The following DDX50 variants were observed in gnomAD, a reference collection of about 807,000 sequenced individuals.
DDX50 encodes DExD-box helicase 50.
Under a neutral mutation model 94.8 loss-of-function variants are expected in DDX50, and 56 were observed. The observed-to-expected ratio is 0.59, with a 90% CI of 0.48 to 0.74. The LOEUF is 0.74. Ranked by LOEUF, DDX50 falls within the 30% of genes least tolerant of loss-of-function variation. The pLI is 0.00. For synonymous variants in DDX50, 264 were observed against 295.4 expected (o/e 0.89, Z 1.09); for missense variants, 713 against 881.2 (o/e 0.81, Z 2.42).
chr10:68,930,406 C>T (rs1474773190), intron 8 of DDX50, among the ~76,000 whole-genome samples: 1 of 152,198 alleles, frequency 6.6e-6, no homozygotes, highest in Admixed American at 6.5e-5. Context: ...GCGTGAGCCA[C>T]CGTGCTCAGC....
intron 13 of DDX50, 31 bp from the exon 14 acceptor site, chr10:68,943,182 T>C: frequency 6.2e-7 from 1 of 1,600,140 alleles, no homozygotes; most frequent in Non-Finnish European, 8.5e-7. Context: ...ATGCATCTAA[T>C]TTAAAATGTT....
chr10:68,907,904 T>C (rs1420332693), intron 2 of DDX50, among the ~76,000 whole-genome samples: 1 of 152,206 alleles, frequency 6.6e-6, no homozygotes, highest in Non-Finnish European at 1.5e-5. Flanking sequence ...TTTATTATTT[T>C]GTTTAGATCA....
chr10:68,923,969 A>G (rs1233441673), intron 8 of DDX50, among the ~76,000 whole-genome samples: 2 of 66,972 alleles, frequency 3.0e-5, no homozygotes, highest in African/African-American at 1.2e-4. Flanking sequence ...TTTTTTTTTG[A>G]GACAGAGTCA....
At chr10:68,935,376 A>G (rs1335362724) in intron 10 of DDX50, among the ~76,000 whole-genome samples, 2 of 151,720 alleles carry the variant, frequency 1.3e-5, no homozygotes, top group African/African-American at 2.4e-5. Context: ...GTAAAATGAG[A>G]TAGTGTAATA....
In DDX50 at chr10:68,946,546, C is replaced by T; in HGVS notation, c.2130C>T (p.Arg710=). 1 of 1,614,178 alleles carries T rather than the reference C, an allele frequency of 6.2e-7. No individual in the cohort carries two copies. Among genetic ancestry groups the T allele is most frequent in the South Asian group, 1.1e-5 (1 of 91,082 alleles). ...GTAGACAGAGTCGACAAGGAAGTCG[C>T]TCAGGAAGTCGACAAGATGGTAGAA... ...RSGRQSRQGS[R]SGSRQDGRRR... is the part of the protein sequence containing the mutation. The change falls in exon 15 of 15, where the codon CGC becomes CGT. Residue 710 remains arginine, a synonymous_variant. Coordinates refer to ENST00000373585, the MANE Select transcript of DDX50 (RefSeq NM_024045.2).
chr10:68,928,013 T>G (rs557765557), intron 8 of DDX50, among the ~76,000 whole-genome samples: 11 of 152,144 alleles, frequency 7.2e-5, no homozygotes, highest in Non-Finnish European at 1.5e-5. Context: ...AGAGCAAGAT[T>G]CCATCTCTTT....
At chr10:68,906,639 T>C (rs925561774) in intron 1 of DDX50, 72 bp from the exon 2 acceptor site, 2 of 1,527,088 alleles carry the variant, frequency 1.3e-6, no homozygotes, top group Non-Finnish European at 8.9e-7. Flanking sequence ...GGGGGAGTCA[T>C]GCTCTAACTT....
At chr10:68,933,427 A>G (rs1172570822) in intron 8 of DDX50, among the ~76,000 whole-genome samples, 1 of 152,186 alleles carries the variant, frequency 6.6e-6, no homozygotes, top group Non-Finnish European at 1.5e-5. Context: ...GTTCATCAGT[A>G]GGATATTGCT....
intron 3 of DDX50, 131 bp from the exon 4 acceptor site, chr10:68,910,937 G>T: frequency 1.7e-6 from 1 of 597,544 alleles, no homozygotes; most frequent in Non-Finnish European, 2.7e-6. Flanking sequence ...GTTTGTGGTA[G>T]GAATAACTGT....
intron 12 of DDX50, 147 bp downstream of exon 12, chr10:68,937,242 TAATA>T: frequency 1.2e-6 from 1 of 844,020 alleles, no homozygotes; most frequent in Non-Finnish European, 1.7e-6. Context: ...CTCTACTCCC[TAATA>T]AATCCTTTTT....
Position 68,901,352 on chromosome 10 carries a change from A to T in DDX50, c.-33A>T. 1 of 1,519,906 alleles carries T rather than the reference A, an allele frequency of 6.6e-7. No homozygotes were observed. The highest frequency in any genetic ancestry group is 8.8e-7 in the Non-Finnish European group (1 of 1,130,414). The allele number at this position is 1,519,906 out of a possible 1,614,324, so 94.2% of individuals were successfully genotyped here. A position where few individuals can be genotyped will look rare whatever the true frequency, so the allele number is the denominator to read the frequency against. On this transcript the variant is annotated 5_prime_UTR_variant, in exon 1 of 15. Transcript: ENST00000373585. ...TCGCTGCCCGTAGGTGGTTGTGGCC[A>T]CTGTGCCCGGAGGGAGGCGGCGGTG... is the stretch of plus-strand genomic sequence containing the variant.
chr10:68,940,814 A>G (rs1842536874), intron 12 of DDX50, among the ~76,000 whole-genome samples: 1 of 152,080 alleles, frequency 6.6e-6, no homozygotes, highest in South Asian at 2.1e-4. Flanking sequence ...TTAATTCTTA[A>G]TTCTCTCTTA....
chr10:68,909,331 T>C (rs1447711914), intron 2 of DDX50, among the ~76,000 whole-genome samples: 2 of 152,246 alleles, frequency 1.3e-5, no homozygotes, highest in African/African-American at 4.8e-5. Context: ...CACATTAGTA[T>C]ACAAAGTTTT....
intron 3 of DDX50, 95 bp from the exon 4 acceptor site, chr10:68,910,973 A>C: frequency 1.0e-6 from 1 of 995,758 alleles, no homozygotes; most frequent in Non-Finnish European, 1.4e-6. Flanking sequence ...GTCTTTAGGC[A>C]GACATAGAAG....
chr10:68,926,662 C>T (rs1478101389), intron 8 of DDX50, among the ~76,000 whole-genome samples: 1 of 151,898 alleles, frequency 6.6e-6, no homozygotes, highest in Non-Finnish European at 1.5e-5. Context: ...CCCAGCTACT[C>T]AGGAGGTTGG....
chr10:68,909,652 A>T (rs527427768), intron 2 of DDX50, among the ~76,000 whole-genome samples: 2 of 151,400 alleles, frequency 1.3e-5, no homozygotes, highest in Non-Finnish European at 2.9e-5. Context: ...AGGTAGGAGG[A>T]TCTTTTTTTT....
Position 68,901,330 on chromosome 10 carries a change from C to G in DDX50, c.-55C>G. The G allele has an allele frequency of 1.4e-6, 2 of 1,464,416 alleles. No individual in the cohort carries two copies. The highest frequency in any genetic ancestry group is 1.3e-5 in the South Asian group (1 of 75,608). The allele number at this position is 1,464,416 out of a possible 1,614,324, so 90.7% of individuals were successfully genotyped here. ...GCCCCCGCTTCCTTTCACGCTGTCG[C>G]TGCCCGTAGGTGGTTGTGGCCACTG... On this transcript the variant is annotated 5_prime_UTR_variant, in exon 1 of 15. Transcript: ENST00000373585.
intron 13 of DDX50, among the ~76,000 whole-genome samples, chr10:68,942,574 C>A (rs1801411327): frequency 6.6e-6 from 1 of 152,024 alleles, no homozygotes; most frequent in Admixed American, 6.5e-5. Flanking sequence ...GAAGAAACAT[C>A]TTGGGTTATA....
intron 8 of DDX50, among the ~76,000 whole-genome samples, chr10:68,926,814 G>GA (rs1229295591): frequency 3.5e-5 from 5 of 144,234 alleles, no homozygotes; most frequent in South Asian, 2.2e-4. Flanking sequence ...CACACTTTTG[G>GA]AAAAAAAAAT....
Sources: allele counts gnomAD v4.1 joint callset (sites outside exome capture counted in the v4.1 genomes callset), GRCh38; gene constraint gnomAD v4.1.1; transcripts MANE v1.5; gene names NCBI Gene and HGNC (gene_info 2026-07-23, HGNC 2026-07-21).